Variants in UMAD1 observed in about 807,000 individuals in gnomAD.
The protein encoded by UMAD1 is UBAP1-MVB12-associated (UMA) domain containing 1.
Under a neutral mutation model 6.1 loss-of-function variants are expected in UMAD1, and 8 were observed. That is an observed-to-expected ratio of 1.30 (90% CI 0.76 to 2.35). The LOEUF (loss-of-function observed/expected upper bound fraction) is 2.35, where lower values mean the gene tolerates loss of function less well. Ranked by LOEUF, UMAD1 falls within the 30% of genes most tolerant of loss-of-function variation. The pLI, the probability that UMAD1 is intolerant of heterozygous loss-of-function variation, is 0.00. For synonymous variants in UMAD1, 56 were observed against 31.4 expected, an observed-to-expected ratio of 1.78 and a Z score of -2.61; for missense variants, 130 against 78.4, an observed-to-expected ratio of 1.66 and a Z score of -2.49.
At chr7:7,664,030 C>G (rs1779368647) in intron 1 of UMAD1, among the ~76,000 whole-genome samples, 1 of 152,134 alleles carries the variant, frequency 6.6e-6, no homozygotes, top group Non-Finnish European at 1.5e-5. Context: ...ACCTGAAGGC[C>G]AAGTCCAGTT....
At chr7:7,740,078 G>A (rs1430545207) in intron 2 of UMAD1, among the ~76,000 whole-genome samples, 1 of 152,206 alleles carries the variant, frequency 6.6e-6, no homozygotes, top group Non-Finnish European at 1.5e-5. Context: ...TGAAACCCTG[G>A]ATTGCTACTG....
chr7:7,864,573 C>T (rs1784190046), intron 3 of UMAD1, among the ~76,000 whole-genome samples: 2 of 144,598 alleles, frequency 1.4e-5, no homozygotes, highest in South Asian at 4.5e-4. Flanking sequence ...TGAAGAAAAC[C>T]CAGCTAGACA....
chr7:7,674,477 G>C (rs1317496500), intron 2 of UMAD1, among the ~76,000 whole-genome samples: 2 of 152,210 alleles, frequency 1.3e-5, no homozygotes, highest in Admixed American at 1.3e-4. Flanking sequence ...TGGCAGGCCT[G>C]TTGTTTTTGA....
chr7:7,695,553 A>G (rs977668972), intron 2 of UMAD1, among the ~76,000 whole-genome samples: 2 of 152,314 alleles, frequency 1.3e-5, no homozygotes, highest in East Asian at 3.9e-4. Context: ...CAGAGCAAGA[A>G]CACTCAAGCT....
At chr7:7,681,929 A>G (rs776277032) in intron 2 of UMAD1, among the ~76,000 whole-genome samples, 2 of 152,218 alleles carry the variant, frequency 1.3e-5, no homozygotes, top group East Asian at 1.9e-4. Context: ...TTAGCTTATT[A>G]TGTTATAGCA....
rs59221325 is a variant in UMAD1, at chr7:7,796,244, C to CTTTTTTTTTTTTTTTTTTTTTTTTTTTT, written c.83-5402_83-5401insTTTTTTTTTTTTTTTTTTTTTTTTTTTT. On this transcript the variant is annotated intron_variant, in intron 2 of 3. Coordinates refer to ENST00000682710, the MANE Select transcript of UMAD1 (RefSeq NM_001302348.2). ...ACTTTGACCCATTTCTATTTTCTTT[C>CTTTTTTTTTTTTTTTTTTTTTTTTTTTT]TTTTTTTTTTTTTTTTTTTTTTTTG... 5.2e-4 allele frequency among the ~76,000 whole-genome samples: 33 copies of CTTTTTTTTTTTTTTTTTTTTTTTTTTTT among 63,950 alleles called. 7 individuals are homozygous for CTTTTTTTTTTTTTTTTTTTTTTTTTTTT. The highest frequency in any genetic ancestry group is 2.7e-3 in the African/African-American group (28 of 10,242). 42.0% of individuals were successfully genotyped at this position (63,950 alleles called of 152,430 possible). A position where few individuals can be genotyped will look rare whatever the true frequency, so the allele number is the denominator to read the frequency against.
At chr7:7,798,895 A>G (rs567832135) in intron 2 of UMAD1, among the ~76,000 whole-genome samples, 1 of 152,310 alleles carries the variant, frequency 6.6e-6, no homozygotes, top group South Asian at 2.1e-4. Flanking sequence ...AACAGTAATC[A>G]AATCTGATGT....
intron 2 of UMAD1, among the ~76,000 whole-genome samples, chr7:7,721,332 A>T (rs948728734): frequency 6.6e-6 from 1 of 152,166 alleles, no homozygotes; most frequent in East Asian, 1.9e-4. Context: ...CTTTTCTCAC[A>T]TATTCCATAT....
At chr7:7,812,037 A>G (rs1213983895) in intron 3 of UMAD1, among the ~76,000 whole-genome samples, 1 of 152,204 alleles carries the variant, frequency 6.6e-6, no homozygotes, top group Non-Finnish European at 1.5e-5. Context: ...GTAACTTCAA[A>G]TTTGTACATT....
At chr7:7,855,978 C>G (rs1415084177) in intron 3 of UMAD1, among the ~76,000 whole-genome samples, 1 of 152,172 alleles carries the variant, frequency 6.6e-6, no homozygotes, top group East Asian at 1.9e-4. Flanking sequence ...TACTCCAGTT[C>G]CCATCAAGTT....
intron 2 of UMAD1, among the ~76,000 whole-genome samples, chr7:7,705,016 C>T (rs1461364717): frequency 1.3e-5 from 2 of 152,088 alleles, no homozygotes; most frequent in Admixed American, 1.3e-4. Context: ...TGATTGTGAA[C>T]CATGGTGCTT....
At chr7:7,817,126 C>A (rs1783145620) in intron 3 of UMAD1, among the ~76,000 whole-genome samples, 1 of 152,188 alleles carries the variant, frequency 6.6e-6, no homozygotes, top group African/African-American at 2.4e-5. Context: ...ATTTCTGTCA[C>A]TTCTCTGAAG....
At chr7:7,854,336 C>G (rs1490746715) in intron 3 of UMAD1, among the ~76,000 whole-genome samples, 1 of 72,276 alleles carries the variant, frequency 1.4e-5, no homozygotes, top group Non-Finnish European at 2.4e-5. Flanking sequence ...GCCTGGGCAA[C>G]AAGAGCAAAG....
chr7:7,788,563 T>C (rs937511496), intron 2 of UMAD1, among the ~76,000 whole-genome samples: 14 of 152,304 alleles, frequency 9.2e-5, no homozygotes, highest in African/African-American at 3.4e-4. Flanking sequence ...TTCAAGCTGT[T>C]AGATTAGGAT....
intron 2 of UMAD1, chr7:7,772,512 C>G (rs184197210): frequency 7.7e-4 from 117 of 152,214 alleles, no homozygotes; most frequent in African/African-American, 2.6e-3. Flanking sequence ...TACATGCATA[C>G]AGGGATGTTT....
chr7:7,849,331 G>A (rs1457933585), intron 3 of UMAD1, among the ~76,000 whole-genome samples: 1 of 152,126 alleles, frequency 6.6e-6, no homozygotes, highest in South Asian at 2.1e-4. Flanking sequence ...AGAAACATAA[G>A]GTAGCTTTTC....
chr7:7,753,982 G>A (rs949311172), intron 2 of UMAD1, among the ~76,000 whole-genome samples: 7 of 152,006 alleles, frequency 4.6e-5, no homozygotes, highest in Admixed American at 2.6e-4. Context: ...TCGGGAGTTC[G>A]AGACCAGCCT....
At chr7:7,742,097 T>A (rs1583790416) in intron 2 of UMAD1, 2 of 584,280 alleles carry the variant, frequency 3.4e-6, no homozygotes, top group Non-Finnish European at 6.7e-6. Flanking sequence ...GTTGATATGA[T>A]GAAAGTTTGG....
chr7:7,772,242 A>G (rs559926201), intron 2 of UMAD1: 2 of 152,286 alleles, frequency 1.3e-5, no homozygotes, highest in East Asian at 3.9e-4. Flanking sequence ...ATTCCTTACT[A>G]TGGATTTTAA....
Sources: allele counts gnomAD v4.1 joint callset (sites outside exome capture counted in the v4.1 genomes callset), GRCh38; gene constraint gnomAD v4.1.1; transcripts MANE v1.5; gene names NCBI Gene and HGNC (gene_info 2026-07-23, HGNC 2026-07-21).